The following SPATA16 variants were observed in gnomAD, a reference collection of about 807,000 sequenced individuals.
The protein encoded by SPATA16 is spermatogenesis-associated protein 16.
Under a neutral mutation model 63.3 loss-of-function variants are expected in SPATA16, and 36 were observed. The observed-to-expected ratio is 0.57, with a 90% CI of 0.44 to 0.75. The LOEUF is 0.75. SPATA16 is among the 30% of genes least tolerant of loss of function. The pLI is 0.00. For missense variants in SPATA16, 646 were observed against 679.3 expected (o/e 0.95, Z 0.54); for synonymous variants, 203 against 216.7 (o/e 0.94, Z 0.56).
chr3:173,135,233 G>T (rs555784098), intron 1 of SPATA16, among the ~76,000 whole-genome samples: 1 of 152,272 alleles, frequency 6.6e-6, no homozygotes, highest in South Asian at 2.1e-4. Flanking sequence ...AGTCATCAAT[G>T]GAATGCAAAG....
chr3:172,921,832 A>G (rs1732621247), intron 8 of SPATA16, among the ~76,000 whole-genome samples: 1 of 152,222 alleles, frequency 6.6e-6, no homozygotes, highest in Non-Finnish European at 1.5e-5. Flanking sequence ...AAATGAGAAA[A>G]AAATAGTTCA....
chr3:172,931,953 A>T (rs1732881783), intron 6 of SPATA16, among the ~76,000 whole-genome samples: 1 of 152,204 alleles, frequency 6.6e-6, no homozygotes. Flanking sequence ...ACTCAGTCAC[A>T]AAAGATTGGA....
chr3:172,968,692 C>CA lies in SPATA16; in HGVS notation c.933+8275dup, dbSNP rs530460550. The stretch of plus-strand genomic sequence containing the variant: ...GAACTACACAAAACTATACAACCAG[C>CA]AAATAATGTCACGGTCACTATCTCC... On this transcript the variant is annotated intron_variant, in intron 5 of 10. Transcript: ENST00000351008. Among the ~76,000 whole-genome samples the CA allele has an allele frequency of 3.4e-3, 522 of 152,264 alleles. 2 individuals carry two copies. The highest frequency in any genetic ancestry group is 6.8e-3 in the South Asian group (33 of 4,820).
chr3:173,058,571 A>G (rs559692922), intron 2 of SPATA16, among the ~76,000 whole-genome samples: 61 of 152,258 alleles, frequency 4.0e-4, no homozygotes, highest in African/African-American at 1.4e-3. Flanking sequence ...TACACTAGAT[A>G]TTAGCAATGT....
At chr3:172,959,247 C>A (rs192437943) in intron 5 of SPATA16, among the ~76,000 whole-genome samples, 264 of 152,334 alleles carry the variant, frequency 1.7e-3, no homozygotes, top group African/African-American at 6.1e-3. Context: ...GAAGCCATCT[C>A]ACAGTGGGGA....
In SPATA16 at chr3:173,028,233, G is replaced by C. The variant is rs1193386149; in HGVS notation, c.759-8658C>G. On this transcript the variant is annotated intron_variant, in intron 3 of 10. Transcript: ENST00000351008. ...ATAACTTGCTGATGTTCTTAAAATAGAAATAGGTGGTAGATCTAGAGAAAG... is the reference window on the plus strand; with the variant it reads ...ATAACTTGCTGATGTTCTTAAAATACAAATAGGTGGTAGATCTAGAGAAAG... Among the ~76,000 whole-genome samples the C allele has an allele frequency of 3.3e-5, 5 of 151,618 alleles. No homozygotes were observed. In the South Asian group the frequency reaches 6.2e-4, roughly 19 times the overall value.
chr3:172,906,260 A>G (rs1188966438), intron 10 of SPATA16, among the ~76,000 whole-genome samples: 1 of 152,162 alleles, frequency 6.6e-6, no homozygotes. Flanking sequence ...GTGGGCAAGG[A>G]CACATCATGC....
intron 1 of SPATA16, among the ~76,000 whole-genome samples, chr3:173,130,043 T>A (rs1738329734): frequency 6.6e-6 from 1 of 152,130 alleles, no homozygotes; most frequent in African/African-American, 2.4e-5. Context: ...TGGAGTAGAA[T>A]GGAGACAGGT....
intron 6 of SPATA16, among the ~76,000 whole-genome samples, chr3:172,937,366 C>T (rs1733026312): frequency 6.6e-6 from 1 of 152,158 alleles, no homozygotes; most frequent in Non-Finnish European, 1.5e-5. Context: ...AGCGGTGAAT[C>T]TGATTCCCAG....
intron 3 of SPATA16, among the ~76,000 whole-genome samples, chr3:173,044,235 T>C (rs1214969854): frequency 1.3e-5 from 2 of 152,196 alleles, no homozygotes; most frequent in Admixed American, 1.3e-4. Flanking sequence ...TTCTTGTTAC[T>C]ATCCCTGAGG....
intron 6 of SPATA16, among the ~76,000 whole-genome samples, chr3:172,931,665 G>A (rs74282654): frequency 0.037 from 5,664 of 152,218 alleles, 144 homozygotes; most frequent in South Asian, 0.11. Flanking sequence ...AATAAGAATA[G>A]AACTGCAAAA....
intron 1 of SPATA16, among the ~76,000 whole-genome samples, chr3:173,128,430 G>A (rs906298571): frequency 2.0e-5 from 3 of 152,140 alleles, no homozygotes; most frequent in Non-Finnish European, 4.4e-5. Flanking sequence ...AAAGTTCATA[G>A]TTTAGTGGGA....
At chr3:173,014,109 T>C (rs1053981382) in intron 4 of SPATA16, among the ~76,000 whole-genome samples, 7 of 152,172 alleles carry the variant, frequency 4.6e-5, no homozygotes, top group African/African-American at 1.7e-4. Flanking sequence ...AACAAACCAT[T>C]CCACCAAAAA....
chr3:172,990,227 G>T (rs1443227760), intron 4 of SPATA16, among the ~76,000 whole-genome samples: 2 of 152,144 alleles, frequency 1.3e-5, no homozygotes, highest in African/African-American at 2.4e-5. Flanking sequence ...CTCCATAAGG[G>T]CAGGCATTTT....
At chr3:173,016,433 A>T (rs1432534453) in intron 4 of SPATA16, among the ~76,000 whole-genome samples, 1 of 152,204 alleles carries the variant, frequency 6.6e-6, no homozygotes, top group African/African-American at 2.4e-5. Flanking sequence ...GGCTCAGAAA[A>T]CCTAAGACAT....
intron 4 of SPATA16, among the ~76,000 whole-genome samples, chr3:173,016,499 A>G (rs1735191226): frequency 6.6e-6 from 1 of 152,206 alleles, no homozygotes; most frequent in South Asian, 2.1e-4. Flanking sequence ...ATATGGGCTG[A>G]TGCATTTCCT....
intron 2 of SPATA16, among the ~76,000 whole-genome samples, chr3:173,079,002 C>G (rs923993587): frequency 6.6e-6 from 1 of 152,178 alleles, no homozygotes; most frequent in African/African-American, 2.4e-5. Context: ...AAAAAGTTTG[C>G]AGTATAAACC....
chr3:172,937,917 C>T (rs1733047609), intron 6 of SPATA16, among the ~76,000 whole-genome samples: 1 of 152,148 alleles, frequency 6.6e-6, no homozygotes, highest in Non-Finnish European at 1.5e-5. Context: ...AAAGAACAGC[C>T]AGCCTGGTGA....
At chr3:172,945,235 C>T (rs1288527339) in intron 6 of SPATA16, among the ~76,000 whole-genome samples, 1 of 152,152 alleles carries the variant, frequency 6.6e-6, no homozygotes, top group Admixed American at 6.5e-5. Context: ...AATCTCAGAA[C>T]AATTTGGACC....
Sources: allele counts gnomAD v4.1 joint callset (sites outside exome capture counted in the v4.1 genomes callset), GRCh38; gene constraint gnomAD v4.1.1; transcripts MANE v1.5; gene names NCBI Gene and HGNC (gene_info 2026-07-23, HGNC 2026-07-21).